MAPK9: variants seen among roughly 807,000 people sequenced by gnomAD.
MAPK9 encodes the protein mitogen-activated protein kinase 9.
Under a neutral mutation model 57.1 loss-of-function variants are expected in MAPK9, and 30 were observed. That is an observed-to-expected ratio of 0.53 (90% CI 0.39 to 0.71). The LOEUF (loss-of-function observed/expected upper bound fraction) is 0.71. Among genes scored for constraint, MAPK9 ranks in the 30% least tolerant of loss-of-function variants. MAPK9 has a pLI of 0.00. For missense variants in MAPK9, 362 were observed against 521.0 expected (o/e 0.69, Z 2.97); for synonymous variants, 155 against 177.0 (o/e 0.88, Z 0.99).
At chr5:180,268,221 T>C (rs754188218) in intron 3 of MAPK9, among the ~76,000 whole-genome samples, 2 of 152,220 alleles carry the variant, frequency 1.3e-5, no homozygotes, top group Non-Finnish European at 2.9e-5. Flanking sequence ...CAACTTCATT[T>C]TCTAGAAACA....
chr5:180,278,992 C>T (rs1302578665), intron 2 of MAPK9, among the ~76,000 whole-genome samples: 1 of 147,300 alleles, frequency 6.8e-6, no homozygotes, highest in East Asian at 2.0e-4. Flanking sequence ...GAGTCTTGCT[C>T]CATCGCCCAG....
chr5:180,272,607 G>C (rs1436188554), intron 2 of MAPK9, among the ~76,000 whole-genome samples: 1 of 152,106 alleles, frequency 6.6e-6, no homozygotes, highest in Admixed American at 6.5e-5. Flanking sequence ...GTTTATTTTT[G>C]CCTGTTTTTT....
In MAPK9 at chr5:180,291,955, C is replaced by CCCGCT. The variant is rs1159472420; in HGVS notation, c.-160_-156dup. On this transcript the variant is annotated 5_prime_UTR_variant, in exon 1 of 12. Transcript: ENST00000452135. ...GGCCCCGGCTCCGCCGCCGGCCCGC[C>CCCGCT]CCGCTCCGCTCCGCCCCGCCGCCGC... is the stretch of plus-strand genomic sequence containing the variant. The CCCGCT allele has an allele frequency of 3.5e-5, 5 of 142,878 alleles. No individual in the cohort carries two copies. The East Asian group carries it at 6.4e-4, about 18-fold the overall frequency. The allele number at this position is 142,878 out of a possible 1,614,324, so 8.9% of individuals were successfully genotyped here.
intron 3 of MAPK9, among the ~76,000 whole-genome samples, chr5:180,267,577 A>G (rs901222193): frequency 9.2e-5 from 14 of 151,424 alleles, no homozygotes; most frequent in South Asian, 2.1e-4. Flanking sequence ...AAAAAAAAAA[A>G]AAAAGAAAAA....
chr5:180,240,023 G>C (rs369277116), intron 9 of MAPK9, 36 bp from the exon 10 acceptor site: 33 of 1,540,280 alleles, frequency 2.1e-5, no homozygotes, highest in South Asian at 1.0e-4. Flanking sequence ...CAACAGTAAT[G>C]CCTCAAAAAA....
intron 9 of MAPK9, among the ~76,000 whole-genome samples, chr5:180,240,351 T>G (rs1322769081): frequency 6.6e-6 from 1 of 152,214 alleles, no homozygotes; most frequent in Non-Finnish European, 1.5e-5. Context: ...TTAGAACAAA[T>G]TTTACATTTT....
chr5:180,289,511 A>T (rs1483927991), intron 1 of MAPK9, among the ~76,000 whole-genome samples: 1 of 152,220 alleles, frequency 6.6e-6, no homozygotes, highest in Non-Finnish European at 1.5e-5. Context: ...GAGCTGAGGG[A>T]CCCAGGAAAG....
chr5:180,256,775 C>A (rs1461490318), intron 5 of MAPK9, among the ~76,000 whole-genome samples: 2 of 152,188 alleles, frequency 1.3e-5, no homozygotes, highest in African/African-American at 2.4e-5. Flanking sequence ...TCTCACAAAG[C>A]CCCCAGTGAC....
intron 1 of MAPK9, among the ~76,000 whole-genome samples, chr5:180,290,787 A>ATCAT (rs1249515242): frequency 1.3e-5 from 2 of 152,248 alleles, no homozygotes; most frequent in Admixed American, 6.5e-5. Flanking sequence ...CATTTCTTTG[A>ATCAT]TCATTCATTC....
intron 11 of MAPK9, 75 bp from the exon 12 acceptor site, chr5:180,236,601 C>A: frequency 6.6e-7 from 1 of 1,524,742 alleles, no homozygotes. Context: ...AGACTGCAGG[C>A]CATTTCTCGG....
intron 7 of MAPK9, 34 bp from the exon 8 acceptor site, chr5:180,242,789 T>C: frequency 7.7e-6 from 12 of 1,549,988 alleles, no homozygotes; most frequent in Non-Finnish European, 1.1e-5. Context: ...ACAACTGAAG[T>C]ACCTTGTATT....
intron 1 of MAPK9, among the ~76,000 whole-genome samples, chr5:180,284,131 AGAT>A (rs1459486125): frequency 6.6e-6 from 1 of 152,212 alleles, no homozygotes; most frequent in Non-Finnish European, 1.5e-5. Context: ...AACTCTATTG[AGAT>A]GATATTTCAA....
intron 10 of MAPK9, 139 bp downstream of exon 10, chr5:180,239,785 A>T: frequency 1.4e-6 from 1 of 729,224 alleles, no homozygotes. Flanking sequence ...TTCTACTGGA[A>T]ACTGGGGAGA....
At chr5:180,252,475 CCT>C (rs1758814700) in intron 5 of MAPK9, among the ~76,000 whole-genome samples, 1 of 152,168 alleles carries the variant, frequency 6.6e-6, no homozygotes, top group South Asian at 2.1e-4. Flanking sequence ...TCTCTGCTCC[CCT>C]GAGGCTTCCA....
Position 180,236,292 on chromosome 5 carries a change from T to G in MAPK9, c.*92A>C. 2 of 1,372,940 alleles carry G rather than the reference T, an allele frequency of 1.5e-6. No homozygotes were observed. The highest frequency in any genetic ancestry group is 2.4e-5 in the Admixed American group (1 of 41,722). 85.0% of individuals were successfully genotyped at this position (1,372,940 alleles called of 1,614,324 possible). A position where few individuals can be genotyped will look rare whatever the true frequency, so the allele number is the denominator to read the frequency against. Reference sequence around the variant, plus strand: ...TGTTTCTTACATGCAGAACATGGAGTTTTTCTATTTGGTTCCATCAACTCC... The same window carrying G: ...TGTTTCTTACATGCAGAACATGGAGGTTTTCTATTTGGTTCCATCAACTCC... On this transcript the variant is annotated 3_prime_UTR_variant, in exon 12 of 12. Coordinates refer to ENST00000452135, the MANE Select transcript of MAPK9 (RefSeq NM_002752.5).
intron 7 of MAPK9, chr5:180,246,183 TA>T (rs1201594193): frequency 1.8e-4 from 27 of 152,308 alleles, no homozygotes; most frequent in South Asian, 6.2e-4. Flanking sequence ...TAGATATTTC[TA>T]AATTATTAGT....
intron 7 of MAPK9, among the ~76,000 whole-genome samples, chr5:180,244,000 A>T (rs1744150304): frequency 6.6e-6 from 1 of 152,134 alleles, no homozygotes; most frequent in Non-Finnish European, 1.5e-5. Context: ...GGCACCTGCC[A>T]TAACGGTCGG....
In MAPK9 at chr5:180,249,249, C is replaced by T. The variant is rs1487654770; in HGVS notation, c.451-111G>A. 3.0e-6 allele frequency: 3 copies of T among 996,674 alleles called. No individual in the cohort carries two copies. In the African/African-American group the frequency reaches 5.0e-5, roughly 17 times the overall value. 61.7% of individuals were successfully genotyped at this position (996,674 alleles called of 1,614,324 possible). A position where few individuals can be genotyped will look rare whatever the true frequency, so the allele number is the denominator to read the frequency against. ...GTGAGAGTGTAGGGAGTGAACTGAA[C>T]TCTGAGATTTGGGAACAACTTTGGA... On this transcript the variant is annotated intron_variant, in intron 5 of 11. Coordinates refer to ENST00000452135, the MANE Select transcript of MAPK9 (RefSeq NM_002752.5).
intron 2 of MAPK9, among the ~76,000 whole-genome samples, chr5:180,274,991 GATTT>G (rs1761683605): frequency 6.6e-6 from 1 of 152,014 alleles, no homozygotes; most frequent in South Asian, 2.1e-4. Flanking sequence ...CTAGAATTTT[GATTT>G]ATTCCTCTTA....
Sources: allele counts gnomAD v4.1 joint callset (sites outside exome capture counted in the v4.1 genomes callset), GRCh38; gene constraint gnomAD v4.1.1; transcripts MANE v1.5; gene names NCBI Gene and HGNC (gene_info 2026-07-23, HGNC 2026-07-21).